The following MAML2 variants were observed in gnomAD, a reference collection of about 807,000 sequenced individuals.
MAML2 encodes the protein mastermind-like protein 2.
MAML2 carries 22 observed loss-of-function variants against 96.1 expected under a neutral mutation model. The observed-to-expected ratio is 0.23, with a 90% confidence interval of 0.16 to 0.33. The LOEUF (loss-of-function observed/expected upper bound fraction) is 0.33. Ranked by LOEUF, MAML2 falls within the 10% of genes least tolerant of loss-of-function variation. The probability of loss-of-function intolerance (pLI) is 1.00; values close to 1 mark genes in which losing one functional copy is unlikely to be tolerated. For synonymous variants in MAML2, 561 were observed against 521.3 expected, an observed-to-expected ratio of 1.08 and a Z score of -1.04; for missense variants, 1,367 against 1,392.4, an observed-to-expected ratio of 0.98 and a Z score of 0.29.
At chr11:96,120,827 C>T (rs1229549411) in intron 1 of MAML2, among the ~76,000 whole-genome samples, 1 of 152,126 alleles carries the variant, frequency 6.6e-6, no homozygotes, top group Non-Finnish European at 1.5e-5. Flanking sequence ...GGTTTGGAAA[C>T]CACTGACCTA....
intron 1 of MAML2, among the ~76,000 whole-genome samples, chr11:96,256,506 A>G (rs1039816803): frequency 2.4e-4 from 36 of 152,278 alleles, no homozygotes; most frequent in African/African-American, 8.7e-4. Flanking sequence ...ATACTTAGCC[A>G]TGTCAGTATT....
rs540771186 is a variant in MAML2, at chr11:96,339,232, A to G, written c.513+2151T>C. On this transcript the variant is annotated intron_variant, in intron 1 of 4. Coordinates refer to ENST00000524717, the MANE Select transcript of MAML2 (RefSeq NM_032427.4). ...TTAGAAGAGAGAAAGATTCCCTCTTAGGCCAGAGGTAGCACAGCAGCCAGC... is the reference window on the plus strand; with the variant it reads ...TTAGAAGAGAGAAAGATTCCCTCTTGGGCCAGAGGTAGCACAGCAGCCAGC... Among the ~76,000 whole-genome samples the G allele has an allele frequency of 5.3e-5, 8 of 152,330 alleles. No individual in the cohort carries two copies. The South Asian group carries it at 1.4e-3, about 28-fold the overall frequency.
At chr11:96,311,941 C>T (rs560481872) in intron 1 of MAML2, among the ~76,000 whole-genome samples, 1 of 152,132 alleles carries the variant, frequency 6.6e-6, no homozygotes, top group East Asian at 1.9e-4. Flanking sequence ...ATCTATGTAG[C>T]TAGAATGAGC....
At chr11:96,268,744 T>G (rs1862866639) in intron 1 of MAML2, among the ~76,000 whole-genome samples, 1 of 151,940 alleles carries the variant, frequency 6.6e-6, no homozygotes, top group East Asian at 1.9e-4. Flanking sequence ...GATCTGATGG[T>G]TTTATAAAGG....
intron 2 of MAML2, among the ~76,000 whole-genome samples, chr11:96,034,907 T>C (rs1858687767): frequency 6.6e-6 from 1 of 152,194 alleles, no homozygotes. Flanking sequence ...TGGTTTTCAA[T>C]ATATGCCCTT....
At chr11:96,243,417 G>C (rs1299439737) in intron 1 of MAML2, among the ~76,000 whole-genome samples, 1 of 152,160 alleles carries the variant, frequency 6.6e-6, no homozygotes, top group African/African-American at 2.4e-5. Flanking sequence ...ACAGAAATCG[G>C]GTGGAAAGCT....
At chr11:96,288,763 TTTAA>T in intron 1 of MAML2, among the ~76,000 whole-genome samples, 1 of 152,322 alleles carries the variant, frequency 6.6e-6, no homozygotes, top group African/African-American at 2.4e-5. Context: ...TTAAATTAAT[TTTAA>T]TTATTTTCAG....
chr11:96,256,225 A>G (rs1329540996), intron 1 of MAML2, among the ~76,000 whole-genome samples: 1 of 151,928 alleles, frequency 6.6e-6, no homozygotes, highest in Non-Finnish European at 1.5e-5. Context: ...TGTTCTTTGG[A>G]TGCCACAAAA....
chr11:96,017,274 G>T (rs1466460991), intron 2 of MAML2, among the ~76,000 whole-genome samples: 1 of 152,118 alleles, frequency 6.6e-6, no homozygotes, highest in Non-Finnish European at 1.5e-5. Context: ...GATGTGCTTT[G>T]GTTATGCATA....
intron 1 of MAML2, among the ~76,000 whole-genome samples, chr11:96,184,009 CA>C (rs1405947417): frequency 6.6e-6 from 1 of 152,094 alleles, no homozygotes; most frequent in African/African-American, 2.4e-5. Flanking sequence ...ATGTGGAGGC[CA>C]AAAGTTTGCA....
At chr11:95,999,997 T>C (rs963672366) in intron 2 of MAML2, among the ~76,000 whole-genome samples, 15 of 152,310 alleles carry the variant, frequency 9.8e-5, no homozygotes, top group Admixed American at 5.9e-4. Flanking sequence ...GATGAAGCCA[T>C]TTATTTATCT....
intron 2 of MAML2, among the ~76,000 whole-genome samples, chr11:96,004,135 A>C (rs1186178639): frequency 1.3e-5 from 2 of 152,168 alleles, no homozygotes; most frequent in Non-Finnish European, 2.9e-5. Context: ...TACATTAGAA[A>C]CTAGTTTTAT....
intron 1 of MAML2, among the ~76,000 whole-genome samples, chr11:96,164,409 T>C (rs1861159897): frequency 6.6e-6 from 1 of 152,234 alleles, no homozygotes. Context: ...ACAAGGAACC[T>C]GGGCCTGTCC....
chr11:96,079,068 A>G (rs1859493355), intron 2 of MAML2, among the ~76,000 whole-genome samples: 1 of 152,194 alleles, frequency 6.6e-6, no homozygotes, highest in East Asian at 1.9e-4. Flanking sequence ...TGGCATAAAA[A>G]CCAAAATTCA....
At chr11:96,202,910 G>A (rs1861846396) in intron 1 of MAML2, among the ~76,000 whole-genome samples, 1 of 152,170 alleles carries the variant, frequency 6.6e-6, no homozygotes, top group Admixed American at 6.5e-5. Flanking sequence ...TTACAGGTAT[G>A]AGCCATCACG....
chr11:95,994,749 AAAG>A (rs1337261822), intron 2 of MAML2, among the ~76,000 whole-genome samples: 11 of 152,364 alleles, frequency 7.2e-5, no homozygotes, highest in East Asian at 5.8e-4. Flanking sequence ...AAGACTTTCA[AAAG>A]AAGATTTTGT....
chr11:96,109,909 C>T (rs1351249580), intron 1 of MAML2, among the ~76,000 whole-genome samples: 1 of 151,962 alleles, frequency 6.6e-6, no homozygotes, highest in Non-Finnish European at 1.5e-5. Context: ...CTGTGAGTGT[C>T]TAAATGGATT....
chr11:95,989,669 G>C (rs1857881381), intron 3 of MAML2, among the ~76,000 whole-genome samples: 1 of 123,552 alleles, frequency 8.1e-6, no homozygotes, highest in Admixed American at 7.4e-5. Flanking sequence ...AGGGAACAGG[G>C]GGGAGGACTG....
intron 1 of MAML2, among the ~76,000 whole-genome samples, chr11:96,168,227 G>A (rs1414520724): frequency 2.0e-5 from 3 of 152,170 alleles, no homozygotes; most frequent in African/African-American, 7.2e-5. Context: ...GATCAAAGGA[G>A]TTAATTTATG....
Sources: allele counts gnomAD v4.1 joint callset (sites outside exome capture counted in the v4.1 genomes callset), GRCh38; gene constraint gnomAD v4.1.1; transcripts MANE v1.5; gene names NCBI Gene and HGNC (gene_info 2026-07-23, HGNC 2026-07-21).